The following SLC25A12 variants were observed in gnomAD, a reference collection of about 807,000 sequenced individuals.
The protein encoded by SLC25A12 is solute carrier family 25 member 12.
Under a neutral mutation model 83.3 loss-of-function variants are expected in SLC25A12, and 32 were observed. The ratio of observed to expected loss-of-function variants is 0.38; its 90% CI spans 0.29 to 0.52. The LOEUF (loss-of-function observed/expected upper bound fraction) is 0.52, where lower values mean the gene tolerates loss of function less well. SLC25A12 is among the 20% of genes least tolerant of loss of function. The pLI is 0.84. For missense variants in SLC25A12, 611 were observed against 835.6 expected (o/e 0.73, Z 3.31); for synonymous variants, 267 against 291.1 (o/e 0.92, Z 0.84).
chr2:171,857,451 G>A (rs1390831209), intron 3 of SLC25A12, among the ~76,000 whole-genome samples: 1 of 152,214 alleles, frequency 6.6e-6, no homozygotes, highest in African/African-American at 2.4e-5. Context: ...TTGGGAGGCT[G>A]AGGCAGGCAG....
intron 4 of SLC25A12, among the ~76,000 whole-genome samples, chr2:171,849,749 G>T (rs1211948187): frequency 6.6e-6 from 1 of 151,850 alleles, no homozygotes; most frequent in African/African-American, 2.4e-5. Flanking sequence ...GTAGAGACAG[G>T]GTTTCACCGT....
chr2:171,849,830 A>G lies in SLC25A12; in HGVS notation c.326-5322T>C, dbSNP rs535013643. Among the ~76,000 whole-genome samples the G allele has an allele frequency of 2.0e-4, 31 of 152,172 alleles. 1 individual carries two copies. In the East Asian group the frequency reaches 4.2e-3, roughly 21 times the overall value. On this transcript the variant is annotated intron_variant, in intron 4 of 17. Coordinates refer to ENST00000422440, the MANE Select transcript of SLC25A12 (RefSeq NM_003705.5). ...CTCGGCCTCCCAAAGTGCTGAGATT[A>G]CAGGCGTGAGCCACCGTGCCCGGCC...
chr2:171,851,159 T>C (rs1684918791), intron 4 of SLC25A12, among the ~76,000 whole-genome samples: 5 of 152,002 alleles, frequency 3.3e-5, no homozygotes. Flanking sequence ...CTCATTTTGT[T>C]AGTTAACAGA....
chr2:171,815,310 T>C, intron 9 of SLC25A12, 108 bp from the exon 10 acceptor site: 3 of 750,238 alleles, frequency 4.0e-6, no homozygotes, highest in Non-Finnish European at 2.4e-6. Flanking sequence ...CTAAAAGTGA[T>C]ATTGTTAATG....
In SLC25A12 at chr2:171,875,635, C is replaced by T. The variant is rs116493930; in HGVS notation, c.67-6812G>A. On this transcript the variant is annotated intron_variant, in intron 2 of 17. Transcript: ENST00000422440. ...TTGTAAGAAACCTGCACATGGGGGC[C>T]GGGCGCGGTGGCTCACACCTGTAAT... 6.2e-3 allele frequency among the ~76,000 whole-genome samples: 934 copies of T among 149,740 alleles called. 6 individuals carry two copies. Among genetic ancestry groups the T allele is most frequent in the African/African-American group, 0.022 (885 of 40,684 alleles).
chr2:171,894,188 G>A lies in SLC25A12; in HGVS notation c.12+15C>T. ...CTCTTATGCAATAAAAGCAGCAGCAGAGAGTTGGAGTCACCTTGACCGCCA... is the reference window on the plus strand; with the variant it reads ...CTCTTATGCAATAAAAGCAGCAGCAAAGAGTTGGAGTCACCTTGACCGCCA... On this transcript the variant is annotated intron_variant, in intron 1 of 17. Coordinates refer to ENST00000422440, the MANE Select transcript of SLC25A12 (RefSeq NM_003705.5). 1.2e-6 allele frequency: 2 copies of A among 1,608,044 alleles called. No homozygotes were observed. The highest frequency in any genetic ancestry group is 1.7e-6 in the Non-Finnish European group (2 of 1,177,480).
intron 4 of SLC25A12, among the ~76,000 whole-genome samples, chr2:171,852,178 G>A (rs1018430915): frequency 9.9e-5 from 15 of 152,050 alleles, no homozygotes; most frequent in Admixed American, 3.9e-4. Flanking sequence ...GAGTTTTCAC[G>A]TTCTGAAATG....
At chr2:171,833,051 T>G (rs891840115) in intron 8 of SLC25A12, among the ~76,000 whole-genome samples, 2 of 152,176 alleles carry the variant, frequency 1.3e-5, no homozygotes, top group Non-Finnish European at 2.9e-5. Context: ...TTGCATTGAC[T>G]TTTTGGACCA....
At chr2:171,873,834 T>C (rs754330894) in intron 2 of SLC25A12, among the ~76,000 whole-genome samples, 5 of 152,154 alleles carry the variant, frequency 3.3e-5, no homozygotes, top group African/African-American at 7.2e-5. Context: ...TATACCGTCC[T>C]ATACATCTTG....
At chr2:171,837,014 G>T in intron 6 of SLC25A12, 107 bp downstream of exon 6, 1 of 1,065,078 alleles carries the variant, frequency 9.4e-7, no homozygotes, top group Non-Finnish European at 1.4e-6. Context: ...AACCAAGCAT[G>T]AAATTTGAAT....
intron 3 of SLC25A12, among the ~76,000 whole-genome samples, chr2:171,867,325 C>G (rs1685353791): frequency 6.6e-6 from 1 of 151,674 alleles, no homozygotes; most frequent in African/African-American, 2.4e-5. Flanking sequence ...CACACCACTG[C>G]ACTCCAGCCT....
rs1478500545 is a variant in SLC25A12, at chr2:171,876,153, G to A, written c.67-7330C>T. On this transcript the variant is annotated intron_variant, in intron 2 of 17. Transcript: ENST00000422440. ...GCCAGTATCTGGGGTTATAAATGAT[G>A]CCAAAGAACCACTTACCCTGAGGTA... is the stretch of plus-strand genomic sequence containing the variant. 2.6e-5 allele frequency among the ~76,000 whole-genome samples: 4 copies of A among 152,220 alleles called. No homozygotes were observed. In the South Asian group the frequency reaches 8.3e-4, roughly 32 times the overall value.
rs140091639 is a variant in SLC25A12, at chr2:171,874,851, G to C, written c.67-6028C>G. 8.9e-4 allele frequency among the ~76,000 whole-genome samples: 135 copies of C among 152,304 alleles called. 4 individuals are homozygous for C. The East Asian group carries it at 0.019, about 22-fold the overall frequency. On this transcript the variant is annotated intron_variant, in intron 2 of 17. Coordinates refer to ENST00000422440, the MANE Select transcript of SLC25A12 (RefSeq NM_003705.5). The stretch of plus-strand genomic sequence containing the variant: ...ATATTGGGTATGAGGCAGGAGAACA[G>C]GGTCTGGAGGCCATTTCACACCAAC...
chr2:171,850,661 G>A (rs1228870541), intron 4 of SLC25A12, among the ~76,000 whole-genome samples: 2 of 151,202 alleles, frequency 1.3e-5, no homozygotes, highest in African/African-American at 4.9e-5. Flanking sequence ...CACTGCACCC[G>A]GCCCAGCCAG....
intron 3 of SLC25A12, among the ~76,000 whole-genome samples, chr2:171,868,311 A>ATTTTTTTT (rs71013084): frequency 7.7e-6 from 1 of 129,520 alleles, no homozygotes; most frequent in Non-Finnish European, 1.6e-5. Context: ...GGGTTTTTTA[A>ATTTTTTTT]TTTTTTTTTT....
At chr2:171,891,606 T>C (rs765088666) in intron 2 of SLC25A12, among the ~76,000 whole-genome samples, 48 of 152,232 alleles carry the variant, frequency 3.2e-4, no homozygotes, top group Admixed American at 8.5e-4. Flanking sequence ...ACCTAGGCAG[T>C]ATTCTTTTCA....
At chr2:171,855,579 C>G (rs1057049530) in intron 4 of SLC25A12, among the ~76,000 whole-genome samples, 19 of 71,020 alleles carry the variant, frequency 2.7e-4, no homozygotes, top group Admixed American at 2.5e-3. Context: ...AAATCTTACA[C>G]CATTTATTTT....
At chr2:171,886,308 A>G (rs1685816822) in intron 2 of SLC25A12, among the ~76,000 whole-genome samples, 1 of 143,074 alleles carries the variant, frequency 7.0e-6, no homozygotes, top group Admixed American at 7.3e-5. Context: ...GGCTCACTGC[A>G]GCCTCAACCT....
intron 3 of SLC25A12, among the ~76,000 whole-genome samples, chr2:171,858,982 G>C (rs2105908529): frequency 6.6e-6 from 1 of 152,334 alleles, no homozygotes; most frequent in East Asian, 1.9e-4. Flanking sequence ...TTTGGAGCCA[G>C]AAGGACCCTT....
Sources: gnomAD v4.1 joint callset for allele counts (sites outside exome capture counted in the v4.1 genomes callset) on GRCh38, gnomAD v4.1.1 for gene constraint, MANE v1.5 for transcripts, NCBI Gene and HGNC (gene_info 2026-07-23, HGNC 2026-07-21) for gene names.